Variants in HAVCR1 observed in about 807,000 individuals in gnomAD.
HAVCR1 encodes the protein T cell immunoglobin domain and mucin domain protein 1.
A neutral mutation model predicts 32.0 loss-of-function variants in HAVCR1; 34 were observed. The observed-to-expected ratio is 1.06, with a 90% CI of 0.81 to 1.42. HAVCR1 has a LOEUF of 1.42. Ranked by LOEUF, HAVCR1 falls within the 40% of genes most tolerant of loss-of-function variation. The pLI is 0.00. For synonymous variants in HAVCR1, 178 were observed against 170.3 expected (o/e 1.05, Z -0.35); for missense variants, 420 against 442.3 (o/e 0.95, Z 0.45).
At chr5:157,037,132 G>A in intron 7 of HAVCR1, 115 bp downstream of exon 7, 2 of 716,622 alleles carry the variant, frequency 2.8e-6, no homozygotes, top group Non-Finnish European at 5.1e-6. Context: ...TGAGGATTTG[G>A]GGAGACAAAG....
chr5:157,049,225 A>C, intron 4 of HAVCR1, 80 bp from the exon 5 acceptor site: 1 of 915,898 alleles, frequency 1.1e-6, no homozygotes. Flanking sequence ...ACAAAACTAG[A>C]ATCAGGAATT....
intron 6 of HAVCR1, among the ~76,000 whole-genome samples, chr5:157,039,259 A>G (rs1480297828): frequency 6.6e-6 from 1 of 152,216 alleles, no homozygotes; most frequent in African/African-American, 2.4e-5. Flanking sequence ...GAACTATAGT[A>G]TATCCTAATT....
At chr5:157,046,302 T>C (rs1365559354) in intron 5 of HAVCR1, among the ~76,000 whole-genome samples, 1 of 152,164 alleles carries the variant, frequency 6.6e-6, no homozygotes, top group African/African-American at 2.4e-5. Context: ...CAGAGCCAGC[T>C]CAGCATCACA....
chr5:157,062,641 C>T (rs759577169), upstream of HAVCR1, among the ~76,000 whole-genome samples: 3 of 152,174 alleles, frequency 2.0e-5, no homozygotes, highest in Non-Finnish European at 4.4e-5. Flanking sequence ...ATCCAGACTT[C>T]TGCAATTCCC....
rs543606957 is a variant in HAVCR1 at position 157,045,037 on chromosome 5, G to C, written c.782-2355C>G. 9.9e-5 allele frequency among the ~76,000 whole-genome samples: 15 copies of C among 152,186 alleles called. No homozygotes were observed. In the South Asian group the frequency reaches 3.1e-3, roughly 32 times the overall value. On this transcript the variant is annotated intron_variant, in intron 5 of 8. Coordinates refer to ENST00000523175, the MANE Select transcript of HAVCR1 (RefSeq NM_001173393.3). Reference sequence around the variant, plus strand: ...GGATATGTTCCAAGACCCTCAAGTAGATGCATGAAACCAAGGATAGTACCA... The same window carrying C: ...GGATATGTTCCAAGACCCTCAAGTACATGCATGAAACCAAGGATAGTACCA...
At chr5:157,048,473 A>G (rs1755538145) in intron 5 of HAVCR1, among the ~76,000 whole-genome samples, 1 of 152,170 alleles carries the variant, frequency 6.6e-6, no homozygotes. Flanking sequence ...CCATGTCCCA[A>G]ATCTTTCATC....
At chr5:157,067,614 G>T in the HAVCR1 span, among the ~76,000 whole-genome samples, 1 of 152,156 alleles carries the variant, frequency 6.6e-6, no homozygotes, top group African/African-American at 2.4e-5. Flanking sequence ...GCTGCAAGGA[G>T]CTGTGATTGC....
chr5:157,033,743 T>A (rs1440026439), intron 7 of HAVCR1, among the ~76,000 whole-genome samples: 4 of 152,142 alleles, frequency 2.6e-5, no homozygotes, highest in African/African-American at 9.7e-5. Flanking sequence ...ATTGTCTACA[T>A]CCATCACTTT....
chr5:157,062,642 T>G (rs1167397964), upstream of HAVCR1, among the ~76,000 whole-genome samples: 1 of 152,176 alleles, frequency 6.6e-6, no homozygotes, highest in Non-Finnish European at 1.5e-5. Context: ...TCCAGACTTC[T>G]GCAATTCCCT....
intron 6 of HAVCR1, among the ~76,000 whole-genome samples, chr5:157,042,133 A>G (rs1314448359): frequency 6.6e-6 from 1 of 152,112 alleles, no homozygotes; most frequent in Non-Finnish European, 1.5e-5. Context: ...TAAGTACGCT[A>G]TTCAGTAACA....
At chr5:157,042,775 G>A in intron 5 of HAVCR1, 93 bp from the exon 6 acceptor site, 1 of 754,720 alleles carries the variant, frequency 1.3e-6, no homozygotes, top group Non-Finnish European at 2.3e-6. Flanking sequence ...TTCTGGCGAT[G>A]AAAAGTTGAA....
upstream of HAVCR1, among the ~76,000 whole-genome samples, chr5:157,060,353 A>G (rs921976151): frequency 6.6e-6 from 1 of 151,962 alleles, no homozygotes; most frequent in Non-Finnish European, 1.5e-5. Context: ...CAGCTACTAG[A>G]GCTTTCTTTC....
At chr5:157,032,944 G>C (rs1754263103) in intron 7 of HAVCR1, 57 bp from the exon 8 acceptor site, 1 of 1,039,768 alleles carries the variant, frequency 9.6e-7, no homozygotes, top group Non-Finnish European at 1.4e-6. Context: ...ATCTCAGCAA[G>C]AGTTTTAATC....
intron 3 of HAVCR1, 102 bp from the exon 4 acceptor site, chr5:157,052,756 G>A (rs1448985380): frequency 5.1e-6 from 5 of 979,830 alleles, no homozygotes; most frequent in Non-Finnish European, 7.9e-6. Context: ...ACTGTCCCTA[G>A]GTGGAGTTAA....
the HAVCR1 span, among the ~76,000 whole-genome samples, chr5:157,067,958 G>A: frequency 1.2e-4 from 18 of 151,922 alleles, no homozygotes; most frequent in African/African-American, 4.1e-4. Flanking sequence ...GATTACAGGC[G>A]TGAGCCACCA....
Position 157,052,672 on chromosome 5 carries a change from C to T in HAVCR1, c.380-18G>A. Reference sequence around the variant, plus strand: ...GACCTTGGCTGGAGTCAGAAATCAACATGAGAGTGAGCATAAGTCAAACAA... The same window carrying T: ...GACCTTGGCTGGAGTCAGAAATCAATATGAGAGTGAGCATAAGTCAAACAA... On this transcript the variant is annotated intron_variant, in intron 3 of 8. Transcript: ENST00000523175. The T allele has an allele frequency of 6.2e-7, 1 of 1,607,262 alleles. No homozygotes were observed. Among genetic ancestry groups the T allele is most frequent in the Non-Finnish European group, 8.5e-7 (1 of 1,174,502 alleles).
At chr5:157,055,164 T>A in intron 3 of HAVCR1, 37 bp downstream of exon 3, 1 of 1,124,600 alleles carries the variant, frequency 8.9e-7, no homozygotes, top group Non-Finnish European at 1.3e-6. Context: ...AACAGAAAAT[T>A]CAATTAACTA....
At position 157,042,813 on chromosome 5, in the gene HAVCR1, C is replaced by G. The variant is rs1754990325; in HGVS notation, c.782-131G>C. ...ATAATATGACCAAATTCTGCAGGCACTGCAAGAGTCATACCAAGTTATTAA... is the reference window on the plus strand; with the variant it reads ...ATAATATGACCAAATTCTGCAGGCAGTGCAAGAGTCATACCAAGTTATTAA... On this transcript the variant is annotated intron_variant, in intron 5 of 8. Coordinates refer to ENST00000523175, the MANE Select transcript of HAVCR1 (RefSeq NM_001173393.3). 4 of 582,888 alleles carry G rather than the reference C, an allele frequency of 6.9e-6. No individual in the cohort carries two copies. In the Admixed American group the frequency reaches 9.3e-5, roughly 14 times the overall value. The allele number at this position is 582,888 out of a possible 1,614,324, so 36.1% of individuals were successfully genotyped here. A position where few individuals can be genotyped will look rare whatever the true frequency, so the allele number is the denominator to read the frequency against.
At chr5:157,041,459 G>A (rs1048831913) in intron 6 of HAVCR1, among the ~76,000 whole-genome samples, 7 of 150,476 alleles carry the variant, frequency 4.7e-5, no homozygotes, top group African/African-American at 1.7e-4. Context: ...GATCCCGCCA[G>A]TGCACTCCAG....
Sources: allele counts gnomAD v4.1 joint callset (sites outside exome capture counted in the v4.1 genomes callset), GRCh38; gene constraint gnomAD v4.1.1; transcripts MANE v1.5; gene names NCBI Gene and HGNC (gene_info 2026-07-23, HGNC 2026-07-21).